Variants in VPS50 observed in about 807,000 individuals in gnomAD.
VPS50 encodes VPS50 subunit of EARP/GARPII complex, also known as syndetin.
A neutral mutation model predicts 139.7 loss-of-function variants in VPS50; 70 were observed. That is an observed-to-expected ratio of 0.50 (90% CI 0.41 to 0.61). VPS50 has a LOEUF of 0.61. Among genes scored for constraint, VPS50 ranks in the 20% least tolerant of loss-of-function variants. The pLI is 0.00. For synonymous variants in VPS50, 365 were observed against 376.7 expected (o/e 0.97, Z 0.36); for missense variants, 921 against 1,133.7 (o/e 0.81, Z 2.69).
chr7:93,341,715 C>T, intron 23 of VPS50, 140 bp downstream of exon 23: 1 of 525,158 alleles, frequency 1.9e-6, no homozygotes, highest in South Asian at 3.8e-5. Flanking sequence ...GAAGTATATT[C>T]TAACACAGAT....
intron 11 of VPS50, among the ~76,000 whole-genome samples, chr7:93,273,854 C>G (rs577562506): frequency 2.2e-4 from 33 of 152,222 alleles, no homozygotes; most frequent in Admixed American, 2.6e-4. Context: ...AGTATGCATG[C>G]ATGTACTTCA....
chr7:93,310,233 C>A (rs1181449645), intron 19 of VPS50, among the ~76,000 whole-genome samples: 1 of 151,920 alleles, frequency 6.6e-6, no homozygotes, highest in East Asian at 1.9e-4. Flanking sequence ...AAACTTTTTA[C>A]CCTTAAGAAG....
Position 93,323,675 on chromosome 7 carries a change from T to C in VPS50, c.1920T>C (p.Ser640=). 1 of 1,397,546 alleles carries C rather than the reference T, an allele frequency of 7.2e-7. No individual in the cohort carries two copies. The highest frequency in any genetic ancestry group is 9.7e-7 in the Non-Finnish European group (1 of 1,029,494). The allele number at this position is 1,397,546 out of a possible 1,614,324, so 86.6% of individuals were successfully genotyped here. The part of the protein sequence containing the change: ...PIAFDVIHFM[S]QLFDYYLYAI... ...CCTTTGATGTTATTCATTTCATGTCTCAACTATTTGATTATTACTTGTATG... is the reference window on the plus strand; with the variant it reads ...CCTTTGATGTTATTCATTTCATGTCCCAACTATTTGATTATTACTTGTATG... Residue 640 remains serine (S), a synonymous_variant, in exon 21 of 28, where the codon TCT becomes TCC. Coordinates refer to ENST00000305866, the MANE Select transcript of VPS50 (RefSeq NM_017667.4).
intron 16 of VPS50, 97 bp downstream of exon 16, chr7:93,297,340 T>A: frequency 2.4e-6 from 3 of 1,234,988 alleles, no homozygotes; most frequent in Non-Finnish European, 2.1e-6. Context: ...TTTAAACAAT[T>A]ACTTTTGAAT....
intron 4 of VPS50, 40 bp downstream of exon 4, chr7:93,253,971 T>A: frequency 9.1e-7 from 1 of 1,094,886 alleles, no homozygotes; most frequent in Non-Finnish European, 1.4e-6. Flanking sequence ...GGCAAAACTC[T>A]AGATGAAACA....
intron 26 of VPS50, among the ~76,000 whole-genome samples, chr7:93,355,405 A>G (rs913275611): frequency 2.6e-5 from 4 of 152,278 alleles, no homozygotes; most frequent in Middle Eastern, 3.4e-3. Flanking sequence ...TATACTTTCT[A>G]TGCTTACATG....
At chr7:93,328,929 A>AAAAATAT (rs1264849269) in intron 21 of VPS50, among the ~76,000 whole-genome samples, 1 of 152,204 alleles carries the variant, frequency 6.6e-6, no homozygotes, top group African/African-American at 2.4e-5. Flanking sequence ...GTGAAAGAAA[A>AAAAATAT]AAAATATAAA....
At chr7:93,256,597 T>G (rs1795489788) in intron 5 of VPS50, 35 bp downstream of exon 5, 1 of 1,143,086 alleles carries the variant, frequency 8.7e-7, no homozygotes. Flanking sequence ...GTAGTAGAAT[T>G]TTTAAATGTT....
chr7:93,250,409 C>T (rs1324702091), intron 2 of VPS50, among the ~76,000 whole-genome samples: 3 of 151,912 alleles, frequency 2.0e-5, no homozygotes, highest in East Asian at 3.9e-4. Context: ...ATATACTGTT[C>T]TTTGATCTTT....
At chr7:93,352,004 T>C (rs1411288634) in intron 25 of VPS50, among the ~76,000 whole-genome samples, 1 of 152,214 alleles carries the variant, frequency 6.6e-6, no homozygotes, top group East Asian at 1.9e-4. Context: ...CTGTTACTTT[T>C]CTAAGTCTAA....
intron 19 of VPS50, among the ~76,000 whole-genome samples, chr7:93,309,288 C>T (rs1797200897): frequency 6.6e-6 from 1 of 151,884 alleles, no homozygotes; most frequent in South Asian, 2.1e-4. Context: ...TTTTAAGTGG[C>T]TAGTGTTAAT....
rs993176284 is a variant in VPS50 at position 93,271,162 on chromosome 7, A to G, written c.660-58A>G. On this transcript the variant is annotated intron_variant, in intron 9 of 27. Transcript: ENST00000305866. Reference sequence around the variant, plus strand: ...TTAATTATTCAGTTAGTATGTATTTATTTAGCACTTAGTTTGTCTCAGAAA... The same window carrying G: ...TTAATTATTCAGTTAGTATGTATTTGTTTAGCACTTAGTTTGTCTCAGAAA... 4 of 1,543,508 alleles carry G rather than the reference A, an allele frequency of 2.6e-6. No individual in the cohort carries two copies. The South Asian group carries it at 3.7e-5, about 14-fold the overall frequency.
intron 2 of VPS50, among the ~76,000 whole-genome samples, chr7:93,243,603 G>T (rs1795060868): frequency 6.6e-6 from 1 of 151,944 alleles, no homozygotes; most frequent in Non-Finnish European, 1.5e-5. Flanking sequence ...GGATTTTCAT[G>T]CAGAGTTAAA....
chr7:93,276,371 T>C, intron 12 of VPS50, 66 bp downstream of exon 12: 1 of 1,527,258 alleles, frequency 6.5e-7, no homozygotes, highest in Non-Finnish European at 8.9e-7. Flanking sequence ...ATTTCCTTTA[T>C]CTTGGTACAT....
intron 9 of VPS50, among the ~76,000 whole-genome samples, chr7:93,262,467 G>A (rs1019697510): frequency 6.6e-6 from 1 of 152,154 alleles, no homozygotes; most frequent in South Asian, 2.1e-4. Flanking sequence ...TAAATTAATA[G>A]TTATTTTAGG....
rs559298504 is a variant in VPS50 at position 93,344,853 on chromosome 7, C to G, written c.2207+3278C>G. Among the ~76,000 whole-genome samples the G allele has an allele frequency of 8.6e-4, 131 of 151,988 alleles. 1 individual carries two copies. The highest frequency in any genetic ancestry group is 1.6e-3 in the Non-Finnish European group (110 of 67,940). On this transcript the variant is annotated intron_variant, in intron 23 of 27. Transcript: ENST00000305866. ...AGTGTGTAGAGGGAAATTTATAGCA[C>G]TAAATGCCCACAAGAGAAAGCAGGA...
chr7:93,256,061 A>G (rs1393897227), intron 4 of VPS50, among the ~76,000 whole-genome samples: 2 of 152,222 alleles, frequency 1.3e-5, no homozygotes, highest in Non-Finnish European at 2.9e-5. Context: ...GGACCAAACT[A>G]CTTGCTTGTC....
rs766532955 is a variant in VPS50 at position 93,350,024 on chromosome 7, A to C, written c.2454A>C (p.Ala818=). 1.2e-6 allele frequency: 2 copies of C among 1,611,764 alleles called. No individual in the cohort carries two copies. The highest frequency in any genetic ancestry group is 1.7e-6 in the Non-Finnish European group (2 of 1,178,608). The change falls in exon 25 of 28, where the codon GCA becomes GCC. Residue 818 remains alanine, a synonymous_variant. Transcript: ENST00000305866. ...CACAGCACAACATATATGTAGATGC[A>C]CTATTAAAGGCAAGTGTTCTGGGAA... is the stretch of plus-strand genomic sequence containing the variant. ...IMSQHNIYVD[A]LLKEFEQFNR... is the part of the protein sequence containing the mutation.
At chr7:93,302,678 T>C (rs1411780004) in intron 16 of VPS50, among the ~76,000 whole-genome samples, 5 of 152,110 alleles carry the variant, frequency 3.3e-5, no homozygotes, top group Admixed American at 3.3e-4. Flanking sequence ...TTATTGTCTC[T>C]TTATTTTGAA....
Sources: gnomAD v4.1 joint callset for allele counts (sites outside exome capture counted in the v4.1 genomes callset) on GRCh38, gnomAD v4.1.1 for gene constraint, MANE v1.5 for transcripts, NCBI Gene and HGNC (gene_info 2026-07-23, HGNC 2026-07-21) for gene names.